KLF8: variants seen among roughly 807,000 people sequenced by gnomAD.
KLF8 encodes the protein Krueppel-like factor 8.
In KLF8, 10 loss-of-function variants were observed where a neutral mutation model predicts 18.2. The observed-to-expected ratio is 0.55, with a 90% CI of 0.34 to 0.93. The LOEUF is 0.93. Among genes scored for constraint, KLF8 ranks in the 40% least tolerant of loss-of-function variants. The pLI is 0.02. For missense variants in KLF8, 264 were observed against 277.9 expected (o/e 0.95, Z 0.36); for synonymous variants, 109 against 97.3 (o/e 1.12, Z -0.71).
At chrX:56,077,795 G>T in the KLF8 span, among the ~76,000 whole-genome samples, 1 of 111,534 alleles carries the variant, frequency 9.0e-6, no homozygotes, top group Non-Finnish European at 1.9e-5. Flanking sequence ...TCTTCCATTT[G>T]TTTGTATCCT....
At position 56,288,703 on chromosome X, in the gene KLF8, G is replaced by T. The variant is rs2067293926; in HGVS notation, c.*4209G>T. On this transcript the variant is annotated 3_prime_UTR_variant, in exon 6 of 6. Coordinates refer to ENST00000468660, the MANE Select transcript of KLF8 (RefSeq NM_007250.5). ...ATACTTTATTGCTAACATGTTACTG[G>T]CACAAACACGAAGTGAGCACATGCT... is the stretch of plus-strand genomic sequence containing the variant. 8.9e-6 allele frequency among the ~76,000 whole-genome samples: 1 copy of T among 112,409 alleles called. No individual in the cohort carries two copies. Among genetic ancestry groups the T allele is most frequent in the African/African-American group, 3.2e-5 (1 of 30,922 alleles).
chrX:55,971,278 A>G, the KLF8 span, among the ~76,000 whole-genome samples: 1 of 111,549 alleles, frequency 9.0e-6, no homozygotes, highest in Non-Finnish European at 1.9e-5. Flanking sequence ...CAGTGAACTC[A>G]TTTTTGACAA....
At chrX:55,934,678 T>C in the KLF8 span, among the ~76,000 whole-genome samples, 238 of 112,706 alleles carry the variant, frequency 2.1e-3, 1 homozygote, top group African/African-American at 7.3e-3. Flanking sequence ...TTCTAGCTGA[T>C]ATCTTCAACC....
the KLF8 span, among the ~76,000 whole-genome samples, chrX:56,170,475 A>G: frequency 9.1e-6 from 1 of 110,273 alleles, no homozygotes; most frequent in Non-Finnish European, 1.9e-5. Flanking sequence ...TGTCAGACAA[A>G]TGTAACAAAG....
the KLF8 span, among the ~76,000 whole-genome samples, chrX:56,214,514 A>C: frequency 8.9e-6 from 1 of 112,570 alleles, no homozygotes; most frequent in Admixed American, 9.4e-5. Flanking sequence ...GATGTAATTA[A>C]GTTAAAACAA....
the KLF8 span, among the ~76,000 whole-genome samples, chrX:55,996,644 G>T: frequency 8.9e-6 from 1 of 111,787 alleles, no homozygotes; most frequent in African/African-American, 3.3e-5. Flanking sequence ...GATTAGCGCA[G>T]CATTCTTGGG....
chrX:56,126,298 A>C, the KLF8 span, among the ~76,000 whole-genome samples: 1 of 111,844 alleles, frequency 8.9e-6, no homozygotes, highest in African/African-American at 3.2e-5. Context: ...CTAACCTTAA[A>C]AAACAGAATA....
chrX:56,239,781 A>G (rs2066520634), intron 1 of KLF8, among the ~76,000 whole-genome samples: 1 of 112,054 alleles, frequency 8.9e-6, no homozygotes, highest in Non-Finnish European at 1.9e-5. Flanking sequence ...GCCAGATGTA[A>G]TCATCTACAT....
chrX:56,125,000 C>T, the KLF8 span, among the ~76,000 whole-genome samples: 13 of 112,163 alleles, frequency 1.2e-4, no homozygotes, highest in African/African-American at 3.9e-4. Flanking sequence ...ATTCAGATGA[C>T]AGCTTAAAGA....
intron 2 of KLF8, among the ~76,000 whole-genome samples, chrX:56,261,219 T>A (rs924363673): frequency 8.9e-6 from 1 of 111,799 alleles, no homozygotes; most frequent in Non-Finnish European, 1.9e-5. Flanking sequence ...GGAAACCTGA[T>A]AAGGATTCTG....
At chrX:56,205,576 G>A in the KLF8 span, among the ~76,000 whole-genome samples, 7 of 111,846 alleles carry the variant, frequency 6.3e-5, no homozygotes, top group Non-Finnish European at 1.3e-4. Context: ...AGTTTGTTGA[G>A]GATTTTTGCA....
chrX:56,249,581 G>A (rs1160746490), intron 1 of KLF8, among the ~76,000 whole-genome samples: 1 of 111,460 alleles, frequency 9.0e-6, no homozygotes, highest in Non-Finnish European at 1.9e-5. Flanking sequence ...AGATGGACAA[G>A]TTGTGGCTTA....
At chrX:56,192,743 A>C in the KLF8 span, among the ~76,000 whole-genome samples, 1 of 112,609 alleles carries the variant, frequency 8.9e-6, no homozygotes, top group Non-Finnish European at 1.9e-5. Flanking sequence ...TGGTGCTGGG[A>C]AAACTGGATA....
At chrX:56,094,382 A>G in the KLF8 span, among the ~76,000 whole-genome samples, 1 of 111,479 alleles carries the variant, frequency 9.0e-6, no homozygotes, top group African/African-American at 3.2e-5. Context: ...GCATTATATA[A>G]TGACTAAGTA....
the KLF8 span, among the ~76,000 whole-genome samples, chrX:55,992,458 A>G: frequency 4.5e-5 from 5 of 111,766 alleles, no homozygotes; most frequent in South Asian, 1.9e-3. Context: ...TTCATCTATG[A>G]ACCCGTTTTT....
the KLF8 span, among the ~76,000 whole-genome samples, chrX:55,921,823 C>T: frequency 0.18 from 19,839 of 111,752 alleles, 3,532 homozygotes; most frequent in African/African-American, 0.55. Flanking sequence ...AGACACTTCT[C>T]AAAAGAAGAC....
chrX:55,908,812 T>C, the KLF8 span: 1 of 237,130 alleles, frequency 4.2e-6, no homozygotes, highest in African/African-American at 2.8e-5. Flanking sequence ...TAAGTTCCTT[T>C]TATTTTGCCT....
At chrX:55,935,625 A>C in the KLF8 span, among the ~76,000 whole-genome samples, 1 of 112,409 alleles carries the variant, frequency 8.9e-6, no homozygotes, top group Non-Finnish European at 1.9e-5. Flanking sequence ...GTGCTAAATA[A>C]ATGAACTAGA....
the KLF8 span, among the ~76,000 whole-genome samples, chrX:56,197,507 G>A: frequency 9.0e-6 from 1 of 111,428 alleles, no homozygotes; most frequent in South Asian, 3.7e-4. Context: ...ATAAATTCCT[G>A]GACACATACA....
Sources: gnomAD v4.1 joint callset for allele counts (sites outside exome capture counted in the v4.1 genomes callset) on GRCh38, gnomAD v4.1.1 for gene constraint, MANE v1.5 for transcripts, NCBI Gene and HGNC (gene_info 2026-07-23, HGNC 2026-07-21) for gene names.